The following LTF variants were observed in gnomAD, a reference collection of about 807,000 sequenced individuals.
The protein encoded by LTF is epididymis luminal protein 110.
LTF carries 91 observed loss-of-function variants against 87.2 expected under a neutral mutation model. That is an observed-to-expected ratio of 1.04 (90% CI 0.88 to 1.24). The LOEUF (loss-of-function observed/expected upper bound fraction) is 1.24. Among genes scored for constraint, LTF ranks in the 50% most tolerant of loss-of-function variants. The probability of loss-of-function intolerance (pLI) is 0.00; values close to 1 mark genes in which losing one functional copy is unlikely to be tolerated. For synonymous variants in LTF, 378 were observed against 356.1 expected (o/e 1.06, Z -0.69); for missense variants, 901 against 904.3 (o/e 1.00, Z 0.05).
At chr3:46,464,925 C>T (rs1430859124), upstream of LTF, 14 of 1,568,978 alleles carry the variant, frequency 8.9e-6, no homozygotes, top group Admixed American at 1.7e-5. Context: ...GCCTGCCCTG[C>T]GCCCCTTTAT....
At chr3:46,458,489 A>C (rs1039787574) in intron 2 of LTF, among the ~76,000 whole-genome samples, 2 of 147,416 alleles carry the variant, frequency 1.4e-5, no homozygotes, top group African/African-American at 5.1e-5. Context: ...GGCTTCTTTC[A>C]CATATATTCA....
At chr3:46,437,364 A>G (rs1032648681) in intron 16 of LTF, among the ~76,000 whole-genome samples, 10 of 138,250 alleles carry the variant, frequency 7.2e-5, no homozygotes, top group Non-Finnish European at 1.4e-4. Flanking sequence ...GGTGTCACCT[A>G]GGCTGTAGTG....
intron 1 of LTF, among the ~76,000 whole-genome samples, chr3:46,463,922 C>T (rs1210892738): frequency 6.6e-6 from 1 of 152,186 alleles, no homozygotes; most frequent in Non-Finnish European, 1.5e-5. Flanking sequence ...TCTCTATCCA[C>T]CGCCACCTCT....
intron 16 of LTF, among the ~76,000 whole-genome samples, chr3:46,437,609 C>T (rs1332167948): frequency 6.6e-6 from 1 of 152,108 alleles, no homozygotes; most frequent in African/African-American, 2.4e-5. Context: ...AGGTGTGAGC[C>T]ATCACACGTG....
intron 1 of LTF, among the ~76,000 whole-genome samples, chr3:46,479,264 C>G (rs1703402046): frequency 6.6e-6 from 1 of 152,204 alleles, no homozygotes; most frequent in African/African-American, 2.4e-5. Flanking sequence ...TCTCTCCCAC[C>G]CTGGCATCTT....
At position 46,439,302 on chromosome 3, in the gene LTF, G is replaced by T; in HGVS notation, c.1902C>A (p.His634Gln). 6.2e-7 allele frequency: 1 copy of T among 1,610,712 alleles called. No individual in the cohort carries two copies. Among genetic ancestry groups the T allele is most frequent in the Non-Finnish European group, 8.5e-7 (1 of 1,178,288 alleles). Residue 634 changes from histidine (H) to glutamine (Q), a missense_variant, in exon 15 of 17, where the codon CAC (histidine) becomes CAA (glutamine). Transcript: ENST00000231751. Reference protein sequence around the residue: ...KVERLKQVLLHQQAKFGRNGS... With the variant: ...KVERLKQVLLQQQAKFGRNGS... ...GAAGCCCTGTGGTCCATACCTGTTG[G>T]TGGAGCAACACCTGTTTCAGGCGTT... is the stretch of plus-strand genomic sequence containing the variant.
rs1415322880 is a variant in LTF, at chr3:46,447,319, G to A, written c.1292C>T (p.Ala431Val). Residue 431 changes from alanine (A) to valine (V), a missense_variant, in exon 10 of 17, where the codon GCA (alanine) becomes GTA (valine). Ala to Val is a moderately conservative substitution (Grantham distance 64, BLOSUM62 0). Transcript: ENST00000231751. ...AGKCGLVPVLAENYKSQQSSD... is the reference protein window; with the variant it reads ...AGKCGLVPVLVENYKSQQSSD... ...CTAACTCCACTTACTGTAGTTCTCT[G>A]CCAGGACAGGCACCAAACCACATTT... The A allele has an allele frequency of 6.2e-7, 1 of 1,613,722 alleles. No homozygotes were observed. Among genetic ancestry groups the A allele is most frequent in the Non-Finnish European group, 8.5e-7 (1 of 1,179,748 alleles).
chr3:46,457,175 G>A (rs1371321475), intron 2 of LTF, among the ~76,000 whole-genome samples: 3 of 152,188 alleles, frequency 2.0e-5, no homozygotes, highest in East Asian at 1.9e-4. Context: ...GTACCAGTCC[G>A]TGGCCAGGTG....
intron 16 of LTF, 99 bp from the exon 17 acceptor site, chr3:46,436,328 T>A (rs1227187377): frequency 1.8e-5 from 20 of 1,106,572 alleles, no homozygotes; most frequent in Non-Finnish European, 1.5e-5. Context: ...GAGTTTTCTC[T>A]GCCCTTCTCC....
intron 2 of LTF, among the ~76,000 whole-genome samples, chr3:46,459,165 A>AT (rs1211407387): frequency 6.6e-6 from 1 of 152,238 alleles, no homozygotes; most frequent in Non-Finnish European, 1.5e-5. Context: ...TATACAAGTC[A>AT]TGATACCCTT....
intron 10 of LTF, 22 bp downstream of exon 10, chr3:46,447,286 A>G (rs1321246551): frequency 6.3e-7 from 1 of 1,597,004 alleles, no homozygotes; most frequent in East Asian, 2.2e-5. Flanking sequence ...GGAATATACC[A>G]GAGGATGCTA....
At chr3:46,453,812 C>T (rs1403705167) in intron 6 of LTF, among the ~76,000 whole-genome samples, 1 of 152,186 alleles carries the variant, frequency 6.6e-6, no homozygotes, top group Admixed American at 6.5e-5. Flanking sequence ...GAGAGCACAA[C>T]CTCTGTCCAT....
intron 1 of LTF, among the ~76,000 whole-genome samples, chr3:46,479,043 A>T (rs1352236462): frequency 6.6e-6 from 1 of 152,236 alleles, no homozygotes; most frequent in African/African-American, 2.4e-5. Context: ...AGTTAGACTC[A>T]GTTCTGCCCC....
intron 4 of LTF, 74 bp from the exon 5 acceptor site, chr3:46,455,516 A>G: frequency 1.9e-6 from 3 of 1,579,586 alleles, no homozygotes; most frequent in Non-Finnish European, 2.6e-6. Context: ...TCCCATCCTG[A>G]GGTCTCCGTG....
At chr3:46,440,605 A>G (rs1174839742) in intron 14 of LTF, among the ~76,000 whole-genome samples, 1 of 152,100 alleles carries the variant, frequency 6.6e-6, no homozygotes, top group Non-Finnish European at 1.5e-5. Context: ...GGATTCCTCT[A>G]TTTGATATTG....
At chr3:46,462,736 A>G (rs9862186) in intron 1 of LTF, among the ~76,000 whole-genome samples, 50,251 of 151,932 alleles carry the variant, frequency 0.33, 9,606 homozygotes, top group African/African-American at 0.53. Flanking sequence ...AGCTGTGGCC[A>G]ACGAAGGCAC....
At chr3:46,440,302 C>T (rs2106830993) in intron 14 of LTF, among the ~76,000 whole-genome samples, 1 of 152,292 alleles carries the variant, frequency 6.6e-6, no homozygotes, top group East Asian at 1.9e-4. Context: ...ATTGGTTTCT[C>T]CTCCCTTTCA....
At chr3:46,439,511 C>T (rs751347556) in intron 14 of LTF, 31 bp from the exon 15 acceptor site, 13 of 1,568,302 alleles carry the variant, frequency 8.3e-6, no homozygotes, top group South Asian at 3.6e-5. Flanking sequence ...GCATCATCCA[C>T]GCCTCCCCTG....
Position 46,435,952 on chromosome 3 carries a change from T to C in LTF, c.*243A>G, listed in dbSNP as rs1702375656. 3.6e-6 allele frequency: 2 copies of C among 551,268 alleles called. No individual in the cohort carries two copies. 34.1% of individuals were successfully genotyped at this position (551,268 alleles called of 1,614,324 possible). A position where few individuals can be genotyped will look rare whatever the true frequency, so the allele number is the denominator to read the frequency against. ...GGAAGGTCCAACTGTACAGGTATTTTGTCAGGCATGTGATTTCAGTATAAA... is the reference window on the plus strand; with the variant it reads ...GGAAGGTCCAACTGTACAGGTATTTCGTCAGGCATGTGATTTCAGTATAAA... On this transcript the variant is annotated 3_prime_UTR_variant, in exon 17 of 17. Coordinates refer to ENST00000231751, the MANE Select transcript of LTF (RefSeq NM_002343.6).
Sources: gnomAD v4.1 joint callset for allele counts (sites outside exome capture counted in the v4.1 genomes callset) on GRCh38, gnomAD v4.1.1 for gene constraint, MANE v1.5 for transcripts, NCBI Gene and HGNC (gene_info 2026-07-23, HGNC 2026-07-21) for gene names.